Variants in RGS6 observed in about 807,000 individuals in gnomAD.
The protein encoded by RGS6 is regulator of G protein signaling 6, also known as regulator of G-protein signaling 6.
In RGS6, 30 loss-of-function variants were observed where a neutral mutation model predicts 78.5. The ratio of observed to expected loss-of-function variants is 0.38; its 90% CI spans 0.29 to 0.52. RGS6 has a LOEUF of 0.52. Among genes scored for constraint, RGS6 ranks in the 20% least tolerant of loss-of-function variants. The pLI, the probability that RGS6 is intolerant of heterozygous loss-of-function variation, is 0.85. For missense variants in RGS6, 495 were observed against 609.7 expected (o/e 0.81, Z 1.98); for synonymous variants, 206 against 206.0 (o/e 1.00, Z 0.00).
intron 2 of RGS6, among the ~76,000 whole-genome samples, chr14:72,165,173 A>G (rs1248419139): frequency 1.3e-5 from 2 of 152,258 alleles, no homozygotes; most frequent in Non-Finnish European, 2.9e-5. Context: ...CCACGTCTAG[A>G]ACATGAGTCA....
At chr14:72,377,320 C>T (rs761274923) in intron 3 of RGS6, among the ~76,000 whole-genome samples, 6 of 152,092 alleles carry the variant, frequency 3.9e-5, no homozygotes, top group Admixed American at 6.5e-5. Flanking sequence ...TATATGATGA[C>T]GAAGAGATTA....
intron 2 of RGS6, among the ~76,000 whole-genome samples, chr14:72,321,043 A>G (rs959770618): frequency 6.6e-6 from 1 of 151,288 alleles, no homozygotes; most frequent in Non-Finnish European, 1.5e-5. Context: ...ATATGTAAAC[A>G]TATAATATAT....
At chr14:71,935,599 C>A (rs2088983276) in intron 1 of RGS6, among the ~76,000 whole-genome samples, 1 of 152,104 alleles carries the variant, frequency 6.6e-6, no homozygotes, top group Admixed American at 6.6e-5. Flanking sequence ...GCACTTTGGG[C>A]TGGTAATGCT....
chr14:72,356,770 C>T (rs2080383684), intron 3 of RGS6, among the ~76,000 whole-genome samples: 1 of 152,196 alleles, frequency 6.6e-6, no homozygotes, highest in South Asian at 2.1e-4. Flanking sequence ...CTGCACTTCT[C>T]CTTGCTGCTT....
chr14:72,457,633 C>T (rs972122331), intron 4 of RGS6, among the ~76,000 whole-genome samples: 11 of 93,212 alleles, frequency 1.2e-4, no homozygotes, highest in African/African-American at 1.8e-4. Context: ...GCCAAAGGAA[C>T]GAAGGAACAG....
rs148691228 is a variant in RGS6 at position 72,397,916 on chromosome 14, G to A, written c.184+45722G>A. 6.5e-3 allele frequency among the ~76,000 whole-genome samples: 996 copies of A among 152,200 alleles called. 8 individuals are homozygous for A. Among genetic ancestry groups the A allele is most frequent in the African/African-American group, 0.023 (938 of 41,536 alleles). ...GGGATGAAGCCCACTTGATTATGGT[G>A]GATAAGCTTTTTGATGTGCTGCTGG... On this transcript the variant is annotated intron_variant, in intron 3 of 17. Transcript: ENST00000553525.
chr14:71,934,747 G>A lies in RGS6; in HGVS notation c.-21+1806G>A, dbSNP rs546804330. The stretch of plus-strand genomic sequence containing the variant: ...GGACAATTTGCCAGTAATTTTGGAT[G>A]TCTCTTTGTCTACAGGGACATAATT... On this transcript the variant is annotated intron_variant, in intron 1 of 17. Transcript: ENST00000553525. 2.4e-4 allele frequency among the ~76,000 whole-genome samples: 37 copies of A among 152,344 alleles called. No homozygotes were observed. In the South Asian group the frequency reaches 6.0e-3, roughly 25 times the overall value.
intron 3 of RGS6, among the ~76,000 whole-genome samples, chr14:72,354,762 T>C (rs1197221119): frequency 6.6e-6 from 1 of 152,120 alleles, no homozygotes; most frequent in Non-Finnish European, 1.5e-5. Context: ...GATTTCAATA[T>C]ATGAATTTGG....
intron 2 of RGS6, among the ~76,000 whole-genome samples, chr14:72,169,256 G>C (rs1044683307): frequency 1.3e-5 from 2 of 152,098 alleles, no homozygotes; most frequent in Admixed American, 6.5e-5. Flanking sequence ...TCAGGAATAC[G>C]TTTTTTGATT....
chr14:72,231,334 A>G (rs2049531466), intron 2 of RGS6, among the ~76,000 whole-genome samples: 1 of 152,266 alleles, frequency 6.6e-6, no homozygotes, highest in Non-Finnish European at 1.5e-5. Flanking sequence ...GACACTACAT[A>G]AAGTCAGAGT....
At chr14:71,944,378 G>A (rs1214762427) in intron 1 of RGS6, among the ~76,000 whole-genome samples, 1 of 152,204 alleles carries the variant, frequency 6.6e-6, no homozygotes, top group Admixed American at 6.5e-5. Flanking sequence ...TCATTGAGGA[G>A]CCAAGATTTA....
the RGS6 span, among the ~76,000 whole-genome samples, chr14:72,601,002 G>C: frequency 1.4e-5 from 2 of 146,978 alleles, no homozygotes; most frequent in African/African-American, 5.0e-5. Context: ...GGAGGAGGAG[G>C]GGGGAGAGGA....
the RGS6 span, among the ~76,000 whole-genome samples, chr14:72,629,311 C>T: frequency 1.3e-5 from 2 of 152,140 alleles, no homozygotes; most frequent in East Asian, 3.8e-4. Context: ...TTCTCTCTGC[C>T]TTTGTATATG....
chr14:72,447,573 A>G (rs149459679), intron 3 of RGS6, among the ~76,000 whole-genome samples: 1 of 152,318 alleles, frequency 6.6e-6, no homozygotes, highest in African/African-American at 2.4e-5. Flanking sequence ...CTTGGCTGGT[A>G]TGAGGTCCCT....
At chr14:72,162,213 A>C (rs1466931641) in intron 2 of RGS6, among the ~76,000 whole-genome samples, 7 of 152,084 alleles carry the variant, frequency 4.6e-5, no homozygotes, top group Admixed American at 2.0e-4. Context: ...GAGGAAAAAA[A>C]GAAATGATTG....
intron 2 of RGS6, among the ~76,000 whole-genome samples, chr14:72,267,950 T>C (rs993901111): frequency 5.3e-5 from 8 of 152,224 alleles, no homozygotes; most frequent in Non-Finnish European, 1.2e-4. Flanking sequence ...CACATACCTA[T>C]TAACACACTC....
At chr14:72,101,222 T>A (rs1201651635) in intron 2 of RGS6, among the ~76,000 whole-genome samples, 1 of 152,196 alleles carries the variant, frequency 6.6e-6, no homozygotes, top group Non-Finnish European at 1.5e-5. Context: ...ATATTCTAAT[T>A]TGTGGCCAGG....
In RGS6 at chr14:72,465,599, T is replaced by TG. The variant is rs1566914077; in HGVS notation, c.395-157dup. Among the ~76,000 whole-genome samples, 288 of 144,014 alleles carry TG rather than the reference T, an allele frequency of 2.0e-3. 1 individual carries two copies. Among genetic ancestry groups the TG allele is most frequent in the African/African-American group, 5.4e-3 (207 of 38,146 alleles). 94.5% of individuals were successfully genotyped at this position (144,014 alleles called of 152,430 possible). Reference sequence around the variant, plus strand: ...ATGGATGGATGGATGGATGGATGGATGGTTGGGTGGATGGGTGGATGGGTG... The same window carrying TG: ...ATGGATGGATGGATGGATGGATGGATGGGTTGGGTGGATGGGTGGATGGGTG... On this transcript the variant is annotated intron_variant, in intron 6 of 17. Transcript: ENST00000553525.
At chr14:72,165,430 T>G (rs1408213706) in intron 2 of RGS6, among the ~76,000 whole-genome samples, 1 of 152,206 alleles carries the variant, frequency 6.6e-6, no homozygotes, top group African/African-American at 2.4e-5. Flanking sequence ...ATGAGCAGCG[T>G]GTTCTCCTAC....
Sources: allele counts gnomAD v4.1 joint callset (sites outside exome capture counted in the v4.1 genomes callset), GRCh38; gene constraint gnomAD v4.1.1; transcripts MANE v1.5; gene names NCBI Gene and HGNC (gene_info 2026-07-23, HGNC 2026-07-21).